MED12L: variants seen among roughly 807,000 people sequenced by gnomAD.
The protein encoded by MED12L is mediator of RNA polymerase II transcription subunit 12-like protein.
MED12L carries 60 observed loss-of-function variants against 281.3 expected under a neutral mutation model. The ratio of observed to expected loss-of-function variants is 0.21; its 90% CI spans 0.17 to 0.26. MED12L has a LOEUF of 0.26. Among genes scored for constraint, MED12L ranks in the 10% least tolerant of loss-of-function variants. The pLI, the probability that MED12L is intolerant of heterozygous loss-of-function variation, is 1.00. For missense variants in MED12L, 2,146 were observed against 2,680.9 expected, an observed-to-expected ratio of 0.80 and a Z score of 4.41; for synonymous variants, 974 against 987.2, an observed-to-expected ratio of 0.99 and a Z score of 0.25.
intron 16 of MED12L, among the ~76,000 whole-genome samples, chr3:151,301,870 G>A (rs1745975663): frequency 6.6e-6 from 1 of 152,170 alleles, no homozygotes; most frequent in Admixed American, 6.5e-5. Flanking sequence ...AAAATCAAAT[G>A]TATCATATGA....
At chr3:151,213,534 G>A (rs770001752) in intron 16 of MED12L, 72 of 1,614,066 alleles carry the variant, frequency 4.5e-5, no homozygotes, top group Non-Finnish European at 5.4e-5. Context: ...AATGAGCTTC[G>A]GTCTGACTCT....
intron 16 of MED12L, among the ~76,000 whole-genome samples, chr3:151,195,572 T>C (rs2149118083): frequency 6.6e-6 from 1 of 152,336 alleles, no homozygotes; most frequent in Middle Eastern, 3.4e-3. Context: ...TATAATATAA[T>C]GGAATAATCT....
intron 16 of MED12L, among the ~76,000 whole-genome samples, chr3:151,341,336 C>A (rs1210217239): frequency 6.6e-6 from 1 of 151,990 alleles, no homozygotes; most frequent in African/African-American, 2.4e-5. Context: ...GTGATTGTAT[C>A]CATTGCCAGG....
intron 14 of MED12L, among the ~76,000 whole-genome samples, chr3:151,191,839 G>A (rs2149100501): frequency 6.6e-6 from 1 of 152,154 alleles, no homozygotes; most frequent in Non-Finnish European, 1.5e-5. Flanking sequence ...CCGGGAGGTG[G>A]AGGTTGCAGT....
At chr3:151,389,439 T>C (rs1301201210) in intron 37 of MED12L, among the ~76,000 whole-genome samples, 2 of 152,160 alleles carry the variant, frequency 1.3e-5, no homozygotes, top group African/African-American at 4.8e-5. Flanking sequence ...CCTTCAGGTG[T>C]GATCCTTACA....
intron 16 of MED12L, among the ~76,000 whole-genome samples, chr3:151,227,421 G>A (rs562520630): frequency 7.7e-4 from 117 of 152,306 alleles, no homozygotes; most frequent in Middle Eastern, 3.4e-3. Context: ...AATGGTAAGG[G>A]GGGACGGATT....
chr3:151,428,255 A>G (rs1321853123), intron 43 of MED12L, among the ~76,000 whole-genome samples: 1 of 152,214 alleles, frequency 6.6e-6, no homozygotes, highest in Non-Finnish European at 1.5e-5. Flanking sequence ...AATGTCTGGA[A>G]CAGTACCTGG....
intron 16 of MED12L, among the ~76,000 whole-genome samples, chr3:151,200,675 C>T (rs1344513778): frequency 6.6e-6 from 1 of 152,062 alleles, no homozygotes; most frequent in Admixed American, 6.5e-5. Context: ...TCAAGTGCTG[C>T]TTAAAGGCTA....
At chr3:151,426,541 T>C (rs1577626862) in intron 43 of MED12L, among the ~76,000 whole-genome samples, 1 of 152,192 alleles carries the variant, frequency 6.6e-6, no homozygotes, top group African/African-American at 2.4e-5. Context: ...GGTAAAACAC[T>C]GTAAGAAGAT....
intron 16 of MED12L, among the ~76,000 whole-genome samples, chr3:151,250,330 C>T (rs78405099): frequency 0.058 from 8,876 of 152,168 alleles, 852 homozygotes; most frequent in African/African-American, 0.2. Flanking sequence ...TGTTCAGTGA[C>T]GTTAATTACA....
At chr3:151,119,670 T>C (rs1006058588) in intron 3 of MED12L, among the ~76,000 whole-genome samples, 1 of 152,168 alleles carries the variant, frequency 6.6e-6, no homozygotes, top group African/African-American at 2.4e-5. Context: ...TGATATGAAC[T>C]GCTAAATTGT....
intron 2 of MED12L, among the ~76,000 whole-genome samples, chr3:151,092,308 G>A (rs754790025): frequency 5.3e-5 from 8 of 152,154 alleles, no homozygotes; most frequent in African/African-American, 7.2e-5. Flanking sequence ...GTTTTGTAGC[G>A]CTTGTCACTG....
chr3:151,182,926 A>G (rs1448611395), intron 11 of MED12L, among the ~76,000 whole-genome samples: 1 of 152,190 alleles, frequency 6.6e-6, no homozygotes, highest in Non-Finnish European at 1.5e-5. Context: ...CTGTAAGGGT[A>G]AAATGAGATC....
chr3:151,304,323 C>T (rs1479728961), intron 16 of MED12L, among the ~76,000 whole-genome samples: 1 of 152,172 alleles, frequency 6.6e-6, no homozygotes, highest in Non-Finnish European at 1.5e-5. Flanking sequence ...TGCCTGTAAT[C>T]CCAGCACTGG....
intron 16 of MED12L, among the ~76,000 whole-genome samples, chr3:151,246,061 A>G (rs1180111918): frequency 1.3e-5 from 2 of 151,800 alleles, no homozygotes; most frequent in Non-Finnish European, 2.9e-5. Context: ...TCCAACTTAC[A>G]AGGGATGTGA....
intron 16 of MED12L, chr3:151,198,913 C>G: frequency 6.2e-7 from 1 of 1,613,984 alleles, no homozygotes; most frequent in Non-Finnish European, 8.5e-7. Context: ...TTGACTTTTC[C>G]TTGATGTCTT....
intron 39 of MED12L, among the ~76,000 whole-genome samples, chr3:151,408,214 A>T (rs1287511779): frequency 6.6e-6 from 1 of 152,156 alleles, no homozygotes; most frequent in African/African-American, 2.4e-5. Flanking sequence ...CTCCTTTCCT[A>T]TAGGGTTCTT....
chr3:151,274,723 A>C (rs992091147), intron 16 of MED12L, among the ~76,000 whole-genome samples: 2 of 152,222 alleles, frequency 1.3e-5, no homozygotes, highest in Non-Finnish European at 2.9e-5. Context: ...TATAAGTTAT[A>C]ATATGTCCAA....
chr3:151,364,585 C>T (rs1755051912), intron 21 of MED12L, among the ~76,000 whole-genome samples: 2 of 152,110 alleles, frequency 1.3e-5, no homozygotes, highest in South Asian at 4.1e-4. Context: ...ATTAAGAGTA[C>T]TCTTATGTGT....
Sources: gnomAD v4.1 joint callset for allele counts (sites outside exome capture counted in the v4.1 genomes callset) on GRCh38, gnomAD v4.1.1 for gene constraint, MANE v1.5 for transcripts, NCBI Gene and HGNC (gene_info 2026-07-23, HGNC 2026-07-21) for gene names.